PCDH15: variants seen among roughly 807,000 people sequenced by gnomAD.
PCDH15 encodes the protein protocadherin related 15, also known as protocadherin-15.
A neutral mutation model predicts 178.5 loss-of-function variants in PCDH15; 129 were observed. The ratio of observed to expected loss-of-function variants is 0.72; its 90% confidence interval spans 0.63 to 0.84. The LOEUF is 0.84. Ranked by LOEUF, PCDH15 falls within the 40% of genes least tolerant of loss-of-function variation. PCDH15 has a pLI of 0.00. For synonymous variants in PCDH15, 800 were observed against 732.0 expected, an observed-to-expected ratio of 1.09 and a Z score of -1.50; for missense variants, 2,230 against 2,099.9, an observed-to-expected ratio of 1.06 and a Z score of -1.21.
At chr10:55,346,372 A>G (rs549688327) in intron 2 of PCDH15, among the ~76,000 whole-genome samples, 7 of 152,266 alleles carry the variant, frequency 4.6e-5, no homozygotes, top group African/African-American at 1.4e-4. Context: ...TGTGGTCAGG[A>G]ATATGGAAGT....
At chr10:54,823,612 C>T (rs576754317) in intron 3 of PCDH15, among the ~76,000 whole-genome samples, 1 of 152,040 alleles carries the variant, frequency 6.6e-6, no homozygotes, top group South Asian at 2.1e-4. Flanking sequence ...TTCCTCTGAT[C>T]CTAAAGTCAG....
At chr10:55,196,750 A>G (rs926862464) in intron 1 of PCDH15, among the ~76,000 whole-genome samples, 2 of 152,040 alleles carry the variant, frequency 1.3e-5, no homozygotes, top group African/African-American at 4.8e-5. Flanking sequence ...TGTAAAGAAA[A>G]ATTTTCCATA....
chr10:55,062,601 G>T (rs1841460991), intron 2 of PCDH15, among the ~76,000 whole-genome samples: 1 of 152,156 alleles, frequency 6.6e-6, no homozygotes, highest in African/African-American at 2.4e-5. Flanking sequence ...GGATAAATAG[G>T]CAGAGCACAG....
At chr10:54,845,502 C>T (rs1000536106) in intron 3 of PCDH15, among the ~76,000 whole-genome samples, 1 of 152,052 alleles carries the variant, frequency 6.6e-6, no homozygotes, top group African/African-American at 2.4e-5. Context: ...GCCAGTGATA[C>T]TAGTTAATTT....
intron 2 of PCDH15, among the ~76,000 whole-genome samples, chr10:54,614,718 G>A (rs1189946630): frequency 1.3e-5 from 2 of 151,834 alleles, no homozygotes; most frequent in African/African-American, 4.8e-5. Flanking sequence ...TCTCGTGCTT[G>A]TCCACAGAAA....
intron 2 of PCDH15, among the ~76,000 whole-genome samples, chr10:55,449,893 C>A (rs1245245193): frequency 6.9e-6 from 1 of 145,072 alleles, no homozygotes; most frequent in Non-Finnish European, 1.5e-5. Context: ...TCACTTCCAA[C>A]ACCCTCAAAA....
chr10:55,463,154 T>C (rs1424085662), intron 2 of PCDH15, among the ~76,000 whole-genome samples: 1 of 150,536 alleles, frequency 6.6e-6, no homozygotes, highest in Middle Eastern at 3.5e-3. Flanking sequence ...AACCTGGCAA[T>C]GATCTGAAGT....
chr10:54,449,599 G>A (rs1369590714), intron 3 of PCDH15, among the ~76,000 whole-genome samples: 2 of 151,846 alleles, frequency 1.3e-5, no homozygotes, highest in African/African-American at 4.8e-5. Flanking sequence ...AAACTGAACT[G>A]TAGGTTTTGA....
chr10:55,473,107 G>T (rs1160377869), intron 2 of PCDH15, among the ~76,000 whole-genome samples: 1 of 152,068 alleles, frequency 6.6e-6, no homozygotes, highest in Non-Finnish European at 1.5e-5. Flanking sequence ...TTATACAAAT[G>T]GAAAACAAAC....
intron 2 of PCDH15, among the ~76,000 whole-genome samples, chr10:55,408,864 C>T (rs771893696): frequency 6.6e-6 from 1 of 152,040 alleles, no homozygotes; most frequent in Non-Finnish European, 1.5e-5. Context: ...ATGACAAACC[C>T]GATGGACAAT....
chr10:54,432,189 A>G (rs1196967191), intron 3 of PCDH15, among the ~76,000 whole-genome samples: 2 of 152,182 alleles, frequency 1.3e-5, no homozygotes, highest in East Asian at 3.9e-4. Context: ...CAAAATACCA[A>G]TGACATTACT....
intron 2 of PCDH15, among the ~76,000 whole-genome samples, chr10:54,978,207 G>C (rs1030693391): frequency 6.6e-6 from 1 of 152,086 alleles, no homozygotes; most frequent in African/African-American, 2.4e-5. Context: ...AGGTAATATA[G>C]AGAAGGTAAA....
chr10:55,086,362 G>A lies in PCDH15; in HGVS notation c.-80+80214C>T, dbSNP rs566267139. Among the ~76,000 whole-genome samples the A allele has an allele frequency of 1.8e-3, 278 of 152,026 alleles. 2 individuals are homozygous for A. Among genetic ancestry groups the A allele is most frequent in the African/African-American group, 6.0e-3 (249 of 41,502 alleles). On this transcript the variant is annotated intron_variant, in intron 2 of 5. Transcript: ENST00000458638. Reference sequence around the variant, plus strand: ...GTCTGAATTTTGTGTTTCTTACATAGTTCTATGATCAGTAAAAAGTGATAA... The same window carrying A: ...GTCTGAATTTTGTGTTTCTTACATAATTCTATGATCAGTAAAAAGTGATAA...
At chr10:53,846,634 T>A (rs1235721190) in intron 28 of PCDH15, among the ~76,000 whole-genome samples, 12 of 152,016 alleles carry the variant, frequency 7.9e-5, no homozygotes. Flanking sequence ...AAGTTATTTT[T>A]GGTAGATGCT....
chr10:54,365,684 A>G (rs372514681), intron 5 of PCDH15, among the ~76,000 whole-genome samples: 33 of 152,126 alleles, frequency 2.2e-4, no homozygotes, highest in African/African-American at 7.7e-4. Flanking sequence ...AAGAATGATC[A>G]GCAACTGTGT....
chr10:54,804,530 C>T (rs1391826020), upstream of PCDH15, among the ~76,000 whole-genome samples: 2 of 151,498 alleles, frequency 1.3e-5, no homozygotes. Flanking sequence ...CCTTTTTGCA[C>T]CATCTTCTTG....
intron 6 of PCDH15, among the ~76,000 whole-genome samples, chr10:54,335,073 G>C (rs1228369367): frequency 6.6e-6 from 1 of 152,138 alleles, no homozygotes; most frequent in East Asian, 1.9e-4. Flanking sequence ...AAAATTCTAT[G>C]TTATTGTCAT....
At chr10:55,354,426 A>G (rs890167524) in intron 2 of PCDH15, among the ~76,000 whole-genome samples, 2 of 152,128 alleles carry the variant, frequency 1.3e-5, no homozygotes, top group Admixed American at 6.6e-5. Flanking sequence ...ATGTCAATTA[A>G]TAAATAACAA....
chr10:55,102,966 TGAG>T (rs1355916696), intron 2 of PCDH15, among the ~76,000 whole-genome samples: 5 of 152,096 alleles, frequency 3.3e-5, no homozygotes, highest in African/African-American at 1.2e-4. Flanking sequence ...TTGAGTCTGC[TGAG>T]GAGGAGGAAG....
Sources: allele counts gnomAD v4.1 joint callset (sites outside exome capture counted in the v4.1 genomes callset), GRCh38; gene constraint gnomAD v4.1.1; transcripts MANE v1.5; gene names NCBI Gene and HGNC (gene_info 2026-07-23, HGNC 2026-07-21).